Variants in CLEC3A observed in about 807,000 individuals in gnomAD.
The protein encoded by CLEC3A is C-type lectin domain family 3 member A.
CLEC3A carries 28 observed loss-of-function variants against 20.4 expected under a neutral mutation model. That is an observed-to-expected ratio of 1.37 (90% CI 1.02 to 1.88). The LOEUF (loss-of-function observed/expected upper bound fraction) is 1.88, where lower values mean the gene tolerates loss of function less well. Among genes scored for constraint, CLEC3A ranks in the 40% most tolerant of loss-of-function variants. The pLI is 0.00. For synonymous variants in CLEC3A, 110 were observed against 88.1 expected, an observed-to-expected ratio of 1.25 and a Z score of -1.39; for missense variants, 357 against 240.4, an observed-to-expected ratio of 1.48 and a Z score of -3.21.
At chr16:78,029,165 G>C (rs940615179) in intron 2 of CLEC3A, 1 of 455,660 alleles carries the variant, frequency 2.2e-6, no homozygotes, top group East Asian at 6.9e-5. Context: ...ATTTGTTCAA[G>C]AGATACACAG....
chr16:78,026,993 G>T (rs898160169), intron 1 of CLEC3A, among the ~76,000 whole-genome samples: 2 of 152,186 alleles, frequency 1.3e-5, no homozygotes, highest in Non-Finnish European at 2.9e-5. Flanking sequence ...GTCAGAGTAT[G>T]AATTCTGCCA....
In CLEC3A at chr16:78,030,788, G is replaced by C; in HGVS notation, c.541G>C (p.Glu181Gln). 2 of 1,614,094 alleles carry C rather than the reference G, an allele frequency of 1.2e-6. No homozygotes were observed. The highest frequency in any genetic ancestry group is 1.7e-6 in the Non-Finnish European group (2 of 1,179,990). Residue 181 changes from glutamate (E) to glutamine (Q), a missense_variant, in exon 3 of 3, where the codon GAG becomes CAG. Glu to Gln is a conservative substitution (Grantham distance 29). Coordinates refer to ENST00000299642, the MANE Select transcript of CLEC3A (RefSeq NM_005752.6). ...ATCAGCTCAGGGCAAGTGGAGTGAT[G>C]AGGCCTGTCGCAGCAGCAAGAGATA... ...SQSAQGKWSD[E>Q]ACRSSKRYIC...
intron 1 of CLEC3A, among the ~76,000 whole-genome samples, chr16:78,024,339 T>C (rs1430045928): frequency 2.0e-5 from 3 of 151,950 alleles, no homozygotes; most frequent in Admixed American, 6.6e-5. Context: ...GCTGTGTGGG[T>C]GTTTCTGAAG....
At chr16:78,028,227 G>A in intron 2 of CLEC3A, 37 bp downstream of exon 2, 1 of 1,455,416 alleles carries the variant, frequency 6.9e-7, no homozygotes, top group Non-Finnish European at 9.2e-7. Flanking sequence ...TGTCCCAAAG[G>A]AGACAGGAAA....
chr16:78,030,781 G>T lies in CLEC3A; in HGVS notation c.534G>T (p.Trp178Cys). 1 of 1,614,184 alleles carries T rather than the reference G, an allele frequency of 6.2e-7. No individual in the cohort carries two copies. Among genetic ancestry groups the T allele is most frequent in the Non-Finnish European group, 8.5e-7 (1 of 1,180,016 alleles). The change falls in exon 3 of 3, where the codon TGG becomes TGT. Residue 178 changes from tryptophan (W) to cysteine (C), a missense_variant. Trp to Cys is a radical substitution (Grantham distance 215, BLOSUM62 -2). Coordinates refer to ENST00000299642, the MANE Select transcript of CLEC3A (RefSeq NM_005752.6). ...TCTCCCAATCAGCTCAGGGCAAGTG[G>T]AGTGATGAGGCCTGTCGCAGCAGCA... Reference protein sequence around the residue: ...VLFSQSAQGKWSDEACRSSKR... With the variant: ...VLFSQSAQGKCSDEACRSSKR...
chr16:78,023,316 A>G (rs1441026402), intron 1 of CLEC3A, among the ~76,000 whole-genome samples: 1 of 152,108 alleles, frequency 6.6e-6, no homozygotes, highest in African/African-American at 2.4e-5. Flanking sequence ...GAGACATTGA[A>G]TCTCTCCAAC....
Position 78,030,947 on chromosome 16 carries a change from C to A in CLEC3A, c.*106C>A. On this transcript the variant is annotated 3_prime_UTR_variant, in exon 3 of 3. Coordinates refer to ENST00000299642, the MANE Select transcript of CLEC3A (RefSeq NM_005752.6). Reference sequence around the variant, plus strand: ...ATTTTTACTTATTAAAAAATTGCAACACAAGATCAATGTCCATAGCAATAT... The same window carrying A: ...ATTTTTACTTATTAAAAAATTGCAAAACAAGATCAATGTCCATAGCAATAT... 7.8e-7 allele frequency: 1 copy of A among 1,282,456 alleles called. No homozygotes were observed. Among genetic ancestry groups the A allele is most frequent in the Non-Finnish European group, 1.1e-6 (1 of 945,032 alleles). The allele number at this position is 1,282,456 out of a possible 1,614,324, so 79.4% of individuals were successfully genotyped here. A position where few individuals can be genotyped will look rare whatever the true frequency, so the allele number is the denominator to read the frequency against.
intron 1 of CLEC3A, among the ~76,000 whole-genome samples, chr16:78,025,625 G>T (rs375567072): frequency 6.6e-6 from 1 of 152,108 alleles, no homozygotes; most frequent in Non-Finnish European, 1.5e-5. Context: ...GAGCCTTCTG[G>T]GGGACTCAAA....
intron 2 of CLEC3A, chr16:78,028,968 G>A (rs2030006185): frequency 5.7e-6 from 2 of 347,896 alleles, no homozygotes; most frequent in African/African-American, 2.2e-5. Context: ...AGGCTTCCGG[G>A]GGAACAGAAT....
chr16:78,022,712 C>T lies in CLEC3A; in HGVS notation c.86C>T (p.Ala29Val). 1 of 1,614,086 alleles carries T rather than the reference C, an allele frequency of 6.2e-7. No homozygotes were observed. The highest frequency in any genetic ancestry group is 8.5e-7 in the Non-Finnish European group (1 of 1,180,012). ...QTTSHTSRLK[A>V]RKHSKRRVRD... is the part of the protein sequence containing the mutation. ...ACCAGCCACACATCCAGATTAAAAG[C>T]CAGGAAGCACAGCAAACGTCGAGTG... is the stretch of plus-strand genomic sequence containing the variant. Residue 29 changes from alanine (A) to valine (V), a missense_variant, in exon 1 of 3, where the codon GCC (alanine) becomes GTC (valine). Coordinates refer to ENST00000299642, the MANE Select transcript of CLEC3A (RefSeq NM_005752.6).
In CLEC3A at chr16:78,030,518, G is replaced by C. The variant is rs1463395675; in HGVS notation, c.271G>C (p.Ala91Pro). 1.2e-6 allele frequency: 2 copies of C among 1,613,972 alleles called. No homozygotes were observed. The highest frequency in any genetic ancestry group is 1.7e-6 in the Non-Finnish European group (2 of 1,180,024). ...ASEGLKHFHE[A>P]NEDCISKGGI... Reference sequence around the variant, plus strand: ...AGAAGGTTTGAAGCATTTCCATGAGGCCAATGAAGACTGCATTTCCAAAGG... The same window carrying C: ...AGAAGGTTTGAAGCATTTCCATGAGCCCAATGAAGACTGCATTTCCAAAGG... Residue 91 changes from alanine (A) to proline (P), a missense_variant, in exon 3 of 3, where the codon GCC becomes CCC. Ala to Pro is a conservative substitution (Grantham distance 27). Coordinates refer to ENST00000299642, the MANE Select transcript of CLEC3A (RefSeq NM_005752.6).
chr16:78,027,626 T>G (rs1257814412), intron 1 of CLEC3A, among the ~76,000 whole-genome samples: 2 of 152,124 alleles, frequency 1.3e-5, no homozygotes, highest in Admixed American at 6.6e-5. Flanking sequence ...CTTTTTTTCC[T>G]TCCTTCTTTC....
At chr16:78,024,596 T>A (rs79153886) in intron 1 of CLEC3A, among the ~76,000 whole-genome samples, 5,855 of 152,300 alleles carry the variant, frequency 0.038, 169 homozygotes, top group African/African-American at 0.085. Context: ...CATTAGGTCC[T>A]AGAAAGTAGA....
intron 1 of CLEC3A, among the ~76,000 whole-genome samples, chr16:78,022,977 A>G (rs2018769029): frequency 6.6e-6 from 1 of 152,210 alleles, no homozygotes; most frequent in African/African-American, 2.4e-5. Flanking sequence ...ATTTGATAGT[A>G]AAAGAATTCT....
chr16:78,029,862 A>T (rs1253368046), intron 2 of CLEC3A, among the ~76,000 whole-genome samples: 1 of 152,062 alleles, frequency 6.6e-6, no homozygotes, highest in Non-Finnish European at 1.5e-5. Context: ...TACTTCATTT[A>T]AAAAAATGTG....
At chr16:78,026,165 G>C (rs376362827) in intron 1 of CLEC3A, among the ~76,000 whole-genome samples, 9 of 152,304 alleles carry the variant, frequency 5.9e-5, no homozygotes, top group African/African-American at 2.2e-4. Flanking sequence ...GAGAACTGAT[G>C]TGTAGCATTA....
intron 2 of CLEC3A, among the ~76,000 whole-genome samples, chr16:78,030,154 A>G: frequency 6.8e-6 from 1 of 146,448 alleles, no homozygotes; most frequent in East Asian, 1.9e-4. Flanking sequence ...CTCCAACTCA[A>G]AAAAAAAAAA....
intron 1 of CLEC3A, among the ~76,000 whole-genome samples, chr16:78,023,533 C>T (rs994303344): frequency 2.0e-5 from 3 of 152,188 alleles, no homozygotes; most frequent in Admixed American, 6.5e-5. Flanking sequence ...TGTTTTATCA[C>T]ATCCTCTGCA....
In CLEC3A at chr16:78,028,044, G is replaced by C. The variant is rs1017400704; in HGVS notation, c.116-63G>C. 3 of 1,154,024 alleles carry C rather than the reference G, an allele frequency of 2.6e-6. No individual in the cohort carries two copies. In the African/African-American group the frequency reaches 4.7e-5, roughly 18 times the overall value. The allele number at this position is 1,154,024 out of a possible 1,614,324, so 71.5% of individuals were successfully genotyped here. On this transcript the variant is annotated intron_variant, in intron 1 of 2. Coordinates refer to ENST00000299642, the MANE Select transcript of CLEC3A (RefSeq NM_005752.6). ...CCTTGGGTCCTACATTCCAAAGCTT[G>C]ATTTTATTTTAATCATACGCTTTTC... is the stretch of plus-strand genomic sequence containing the variant.
Sources: gnomAD v4.1 joint callset for allele counts (sites outside exome capture counted in the v4.1 genomes callset) on GRCh38, gnomAD v4.1.1 for gene constraint, MANE v1.5 for transcripts, NCBI Gene and HGNC (gene_info 2026-07-23, HGNC 2026-07-21) for gene names.